Variants in SYN3 observed in about 807,000 individuals in gnomAD.
SYN3 encodes the protein synapsin-3.
A neutral mutation model predicts 65.8 loss-of-function variants in SYN3; 35 were observed. The observed-to-expected ratio is 0.53, with a 90% CI of 0.41 to 0.70. SYN3 has a LOEUF of 0.70. Ranked by LOEUF, SYN3 falls within the 30% of genes least tolerant of loss-of-function variation. The pLI is 0.00. For missense variants in SYN3, 680 were observed against 749.0 expected, an observed-to-expected ratio of 0.91 and a Z score of 1.08; for synonymous variants, 270 against 292.9, an observed-to-expected ratio of 0.92 and a Z score of 0.80.
chr22:32,967,450 T>C (rs2051882351), intron 3 of SYN3, among the ~76,000 whole-genome samples: 1 of 152,208 alleles, frequency 6.6e-6, no homozygotes, highest in South Asian at 2.1e-4. Context: ...CCAGACTGTG[T>C]ATGATCCAAA....
chr22:32,843,740 T>C (rs564917582), intron 6 of SYN3, among the ~76,000 whole-genome samples: 1 of 152,294 alleles, frequency 6.6e-6, no homozygotes, highest in Admixed American at 6.5e-5. Flanking sequence ...AGAGCCTGCC[T>C]GCTGGGGTCC....
intron 2 of SYN3, among the ~76,000 whole-genome samples, chr22:32,997,854 C>T (rs183827525): frequency 0.014 from 2,059 of 151,950 alleles, 50 homozygotes; most frequent in African/African-American, 0.047. Flanking sequence ...GTGAAACCCC[C>T]GTCTCTACTA....
chr22:32,707,611 A>G (rs1434947411), intron 6 of SYN3, among the ~76,000 whole-genome samples: 1 of 152,208 alleles, frequency 6.6e-6, no homozygotes, highest in African/African-American at 2.4e-5. Flanking sequence ...ACTGGGAATA[A>G]TCCACCTCTT....
In SYN3 at chr22:32,508,450, A is replaced by G. The variant is rs1049851479; in HGVS notation, c.*5242T>C. Among the ~76,000 whole-genome samples, 1 of 152,150 alleles carries G rather than the reference A, an allele frequency of 6.6e-6. No individual in the cohort carries two copies. The highest frequency in any genetic ancestry group is 2.4e-5 in the African/African-American group (1 of 41,426). On this transcript the variant is annotated 3_prime_UTR_variant, in exon 14 of 14. Coordinates refer to ENST00000358763, the MANE Select transcript of SYN3 (RefSeq NM_003490.4). ...CTGCACCCAGGTGAAATAAACAGCC[A>G]TGTTGCTCACACAAAGCCTGTTTAG...
intron 6 of SYN3, among the ~76,000 whole-genome samples, chr22:32,775,113 A>T (rs2045877411): frequency 6.6e-6 from 1 of 152,148 alleles, no homozygotes; most frequent in Non-Finnish European, 1.5e-5. Context: ...CTGGCTGGTG[A>T]GGGCTCTCTT....
chr22:32,780,237 G>A (rs1165652780), intron 6 of SYN3, among the ~76,000 whole-genome samples: 1 of 152,090 alleles, frequency 6.6e-6, no homozygotes, highest in Non-Finnish European at 1.5e-5. Flanking sequence ...TCTGTGCTTT[G>A]CTGAACTGTG....
At chr22:32,778,702 T>C (rs180952746) in intron 6 of SYN3, among the ~76,000 whole-genome samples, 1 of 152,328 alleles carries the variant, frequency 6.6e-6, no homozygotes, top group East Asian at 1.9e-4. Context: ...CCCTAGGACT[T>C]GCATTTAACT....
chr22:32,561,017 C>T (rs573381804), intron 7 of SYN3, among the ~76,000 whole-genome samples: 1 of 152,238 alleles, frequency 6.6e-6, no homozygotes, highest in East Asian at 1.9e-4. Flanking sequence ...GAAGGCGGAT[C>T]CCGGCTTTCC....
At chr22:32,599,036 C>G (rs186258019) in intron 6 of SYN3, among the ~76,000 whole-genome samples, 1 of 152,156 alleles carries the variant, frequency 6.6e-6, no homozygotes, top group African/African-American at 2.4e-5. Flanking sequence ...AGACTGCTAA[C>G]AGTTTTGGTT....
chr22:32,706,871 C>T (rs974760518), intron 6 of SYN3, among the ~76,000 whole-genome samples: 1 of 152,140 alleles, frequency 6.6e-6, no homozygotes, highest in Admixed American at 6.5e-5. Flanking sequence ...TCACCCCAAC[C>T]CTACTCTCTC....
intron 6 of SYN3, among the ~76,000 whole-genome samples, chr22:32,744,177 C>G (rs2044858030): frequency 6.6e-6 from 1 of 152,078 alleles, no homozygotes; most frequent in Non-Finnish European, 1.5e-5. Context: ...AGAGAACAAA[C>G]AACTCTATGA....
At chr22:32,879,247 C>T (rs1216345848) in intron 4 of SYN3, among the ~76,000 whole-genome samples, 2 of 152,144 alleles carry the variant, frequency 1.3e-5, no homozygotes, top group South Asian at 2.1e-4. Context: ...TGCCAAGACA[C>T]GGACTGATTA....
chr22:32,527,903 CG>C lies in SYN3; in HGVS notation c.1318+14del. ...CACTGCATGCTTTCTTGCAGTGGCT[CG>C]TCCTGGGTCATACCTTGCGGAGGTG... On this transcript the variant is annotated intron_variant, in intron 12 of 13. Coordinates refer to ENST00000358763, the MANE Select transcript of SYN3 (RefSeq NM_003490.4). 5 of 1,578,250 alleles carry C rather than the reference CG, an allele frequency of 3.2e-6. No individual in the cohort carries two copies. Among genetic ancestry groups the C allele is most frequent in the Non-Finnish European group, 4.3e-6 (5 of 1,160,478 alleles).
At chr22:32,820,353 C>CGTGT (rs35230068) in intron 6 of SYN3, among the ~76,000 whole-genome samples, 1,760 of 141,728 alleles carry the variant, frequency 0.012, 42 homozygotes, top group East Asian at 0.1. Flanking sequence ...CATTCCACTG[C>CGTGT]GTGTGTGTGT....
At chr22:32,992,224 C>T (rs1357539189) in intron 2 of SYN3, among the ~76,000 whole-genome samples, 1 of 152,224 alleles carries the variant, frequency 6.6e-6, no homozygotes, top group Non-Finnish European at 1.5e-5. Flanking sequence ...AGGGCCGAGC[C>T]TCCCTTTTAA....
intron 7 of SYN3, among the ~76,000 whole-genome samples, chr22:32,572,685 C>T (rs1299502953): frequency 6.6e-6 from 1 of 151,726 alleles, no homozygotes; most frequent in African/African-American, 2.4e-5. Flanking sequence ...TGGGCTCAAG[C>T]AATCCTCCTG....
chr22:32,574,940 G>C (rs1227895754), intron 7 of SYN3, among the ~76,000 whole-genome samples: 2 of 152,198 alleles, frequency 1.3e-5, no homozygotes, highest in Non-Finnish European at 2.9e-5. Context: ...GTAGGGACTT[G>C]GTCTTTTAAA....
At chr22:32,535,948 G>A (rs910658177) in intron 9 of SYN3, among the ~76,000 whole-genome samples, 2 of 152,238 alleles carry the variant, frequency 1.3e-5, no homozygotes, top group Non-Finnish European at 2.9e-5. Flanking sequence ...TGTGGGGATA[G>A]GACTGGGGAT....
chr22:32,841,868 A>G (rs568795581), intron 6 of SYN3, among the ~76,000 whole-genome samples: 63 of 152,252 alleles, frequency 4.1e-4, no homozygotes, highest in Non-Finnish European at 6.6e-4. Context: ...TTTAAAAAAA[A>G]AGTTCATGAG....
Sources: allele counts gnomAD v4.1 joint callset (sites outside exome capture counted in the v4.1 genomes callset), GRCh38; gene constraint gnomAD v4.1.1; transcripts MANE v1.5; gene names NCBI Gene and HGNC (gene_info 2026-07-23, HGNC 2026-07-21).